The following CCR3 variants were observed in gnomAD, a reference collection of about 807,000 sequenced individuals.
CCR3 encodes the protein C-C chemokine receptor type 3.
For missense variants in CCR3, 419 were observed against 437.5 expected (o/e 0.96, Z 0.38); for synonymous variants, 203 against 179.2 (o/e 1.13, Z -1.06).
chr3:46,239,559 G>A (rs769680153), upstream of CCR3, among the ~76,000 whole-genome samples: 1 of 152,146 alleles, frequency 6.6e-6, no homozygotes, highest in Non-Finnish European at 1.5e-5. Context: ...CTAAATCCCA[G>A]GTGCCTTCTA....
intron 1 of CCR3, among the ~76,000 whole-genome samples, chr3:46,261,229 T>G (rs1001232330): frequency 1.3e-5 from 2 of 152,158 alleles, no homozygotes; most frequent in Non-Finnish European, 2.9e-5. Context: ...ATCCTAAAGT[T>G]TAATAAAACA....
upstream of CCR3, among the ~76,000 whole-genome samples, chr3:46,241,564 T>C (rs1700085941): frequency 6.6e-6 from 1 of 152,210 alleles, no homozygotes; most frequent in East Asian, 1.9e-4. Context: ...CAGAGACTTT[T>C]CACATATTTA....
chr3:46,251,233 T>C (rs9816745), intron 1 of CCR3, among the ~76,000 whole-genome samples: 65,281 of 151,792 alleles, frequency 0.43, 15,098 homozygotes, highest in East Asian at 0.64. Flanking sequence ...CAGAGAGGCG[T>C]CCCTGCAATG....
chr3:46,217,514 T>C (rs1458203102), intron 2 of CCR3, among the ~76,000 whole-genome samples: 1 of 152,166 alleles, frequency 6.6e-6, no homozygotes, highest in Non-Finnish European at 1.5e-5. Flanking sequence ...GAATATACAT[T>C]CTTTTCATCA....
intron 1 of CCR3, among the ~76,000 whole-genome samples, chr3:46,259,085 C>T (rs749263445): frequency 3.3e-5 from 5 of 152,206 alleles, no homozygotes; most frequent in African/African-American, 1.2e-4. Context: ...TTCTGAGTGG[C>T]TGTGCAGCAA....
intron 1 of CCR3, among the ~76,000 whole-genome samples, chr3:46,257,958 G>A (rs1173480088): frequency 1.3e-5 from 2 of 152,208 alleles, no homozygotes; most frequent in Non-Finnish European, 2.9e-5. Flanking sequence ...GATTTCTGAT[G>A]TCTAAAGCAA....
chr3:46,215,052 T>G (rs1405828686), intron 2 of CCR3, among the ~76,000 whole-genome samples: 1 of 152,110 alleles, frequency 6.6e-6, no homozygotes, highest in African/African-American at 2.4e-5. Context: ...AATGGGGCAG[T>G]GGCTCATTGT....
intron 2 of CCR3, among the ~76,000 whole-genome samples, chr3:46,225,945 C>T (rs1291166568): frequency 6.6e-6 from 1 of 152,124 alleles, no homozygotes. Context: ...AAAAGACTAT[C>T]CCTCCATTTA....
intron 1 of CCR3, among the ~76,000 whole-genome samples, chr3:46,251,341 TG>T (rs918677011): frequency 7.3e-5 from 11 of 151,078 alleles, no homozygotes; most frequent in African/African-American, 2.4e-4. Context: ...TACCAGAAAA[TG>T]AAAGGAATTG....
At position 46,217,249 on chromosome 3, in the gene CCR3, C is replaced by A. The variant is rs35617677; in HGVS notation, c.-68+6342C>A. 2.0e-5 allele frequency among the ~76,000 whole-genome samples: 3 copies of A among 152,030 alleles called. No homozygotes were observed. The East Asian group carries it at 5.8e-4, about 29-fold the overall frequency. ...TTATGTAATGATAAAAGTATTAGTC[C>A]AACAGGAAAATATCACAATCCTAGA... is the stretch of plus-strand genomic sequence containing the variant. On this transcript the variant is annotated intron_variant, in intron 2 of 3. Coordinates refer to the CCR3 transcript ENST00000357422.
upstream of CCR3, among the ~76,000 whole-genome samples, chr3:46,237,712 C>A (rs1241159971): frequency 1.3e-5 from 2 of 152,118 alleles, no homozygotes; most frequent in African/African-American, 2.4e-5. Context: ...GTTTTTGGCA[C>A]CTTTGTTGAA....
rs149536651 is a variant in CCR3 at position 46,231,623 on chromosome 3, C to T, written c.-67-10779C>T. 6.2e-3 allele frequency among the ~76,000 whole-genome samples: 942 copies of T among 151,920 alleles called. 3 individuals carry two copies. The highest frequency in any genetic ancestry group is 0.014 in the Middle Eastern group (4 of 286). On this transcript the variant is annotated intron_variant, in intron 2 of 3. Transcript: ENST00000357422. ...AAATGTGCCAAGAGGGTAGATCTTA[C>T]GTTAAAGTAATAATCTTGATAAATA...
chr3:46,226,543 A>T (rs1225168748), intron 2 of CCR3, among the ~76,000 whole-genome samples: 1 of 152,078 alleles, frequency 6.6e-6, no homozygotes, highest in Non-Finnish European at 1.5e-5. Context: ...TGTTCCTGCA[A>T]TCTTACTGAC....
chr3:46,251,480 T>A (rs1336680463), intron 1 of CCR3, among the ~76,000 whole-genome samples: 1 of 151,998 alleles, frequency 6.6e-6, no homozygotes, highest in Non-Finnish European at 1.5e-5. Context: ...GTTGGTGAGA[T>A]GTTTCTTGGG....
intron 2 of CCR3, among the ~76,000 whole-genome samples, chr3:46,234,916 T>C (rs1700007984): frequency 6.6e-6 from 1 of 152,206 alleles, no homozygotes; most frequent in South Asian, 2.1e-4. Context: ...CCAGGTCCAC[T>C]CACCAGGTGG....
chr3:46,234,486 T>C (rs1170286898), intron 2 of CCR3, among the ~76,000 whole-genome samples: 1 of 152,136 alleles, frequency 6.6e-6, no homozygotes, highest in Non-Finnish European at 1.5e-5. Flanking sequence ...GGGCTCCAGA[T>C]GTTATCTGGA....
intron 2 of CCR3, among the ~76,000 whole-genome samples, chr3:46,215,382 G>T (rs181278130): frequency 6.6e-6 from 1 of 152,138 alleles, no homozygotes; most frequent in Non-Finnish European, 1.5e-5. Flanking sequence ...AGGTTCTCAG[G>T]CCCCATTGAA....
chr3:46,225,446 T>C (rs2125924293), intron 2 of CCR3, among the ~76,000 whole-genome samples: 1 of 152,366 alleles, frequency 6.6e-6, no homozygotes, highest in South Asian at 2.1e-4. Context: ...CTACAATTGC[T>C]GGGTTGTATT....
chr3:46,246,287 G>A (rs545684332), intron 1 of CCR3, among the ~76,000 whole-genome samples: 19 of 152,288 alleles, frequency 1.2e-4, no homozygotes, highest in South Asian at 6.2e-4. Context: ...ATGCGTGTCC[G>A]TGTGAAGAGA....
Sources: allele counts gnomAD v4.1 joint callset (sites outside exome capture counted in the v4.1 genomes callset), GRCh38; gene constraint gnomAD v4.1.1; transcripts MANE v1.5; gene names NCBI Gene and HGNC (gene_info 2026-07-23, HGNC 2026-07-21).